RERE: variants seen among roughly 807,000 people sequenced by gnomAD.
RERE encodes arginine-glutamic acid dipeptide repeats, also known as arginine-glutamic acid dipeptide repeats protein.
In RERE, 40 loss-of-function variants were observed where a neutral mutation model predicts 146.1. That is an observed-to-expected ratio of 0.27 (90% confidence interval 0.21 to 0.36). The LOEUF (loss-of-function observed/expected upper bound fraction) is 0.36, where lower values mean the gene tolerates loss of function less well. Among genes scored for constraint, RERE ranks in the 10% least tolerant of loss-of-function variants. The pLI, the probability that RERE is intolerant of heterozygous loss-of-function variation, is 1.00. For missense variants in RERE, 1,933 were observed against 2,138.7 expected (o/e 0.90, Z 1.90); for synonymous variants, 1,003 against 866.0 (o/e 1.16, Z -2.78).
In RERE at chr1:8,575,562, T is replaced by TATA. The variant is rs1491346958; in HGVS notation, c.523-18040_523-18039insTAT. Among the ~76,000 whole-genome samples the TATA allele has an allele frequency of 3.3e-3, 118 of 35,384 alleles. No individual in the cohort carries two copies. The Middle Eastern group carries it at 0.037, about 11-fold the overall frequency. 23.2% of individuals were successfully genotyped at this position (35,384 alleles called of 152,430 possible). A position where few individuals can be genotyped will look rare whatever the true frequency, so the allele number is the denominator to read the frequency against. ...ATATATATATATATATATATATATA[T>TATA]TTTTTTTTTTTTTGGCAGAGACAGT... On this transcript the variant is annotated intron_variant, in intron 4 of 22. Coordinates refer to ENST00000400908, the MANE Select transcript of RERE (RefSeq NM_001042681.2).
In RERE at chr1:8,364,309, G is replaced by A; in HGVS notation, c.1541-54C>T. 5 of 1,533,012 alleles carry A rather than the reference G, an allele frequency of 3.3e-6. No individual in the cohort carries two copies. Among genetic ancestry groups the A allele is most frequent in the Admixed American group, 3.3e-5 (2 of 59,874 alleles). The allele number at this position is 1,533,012 out of a possible 1,614,324, so 95.0% of individuals were successfully genotyped here. A position where few individuals can be genotyped will look rare whatever the true frequency, so the allele number is the denominator to read the frequency against. ...CTTGGAAACCATCCCTCTCCCTGGGGATGTCTGGGCAGAGGGGCCCTTCTG... is the reference window on the plus strand; with the variant it reads ...CTTGGAAACCATCCCTCTCCCTGGGAATGTCTGGGCAGAGGGGCCCTTCTG... On this transcript the variant is annotated intron_variant, in intron 14 of 22. Coordinates refer to ENST00000400908, the MANE Select transcript of RERE (RefSeq NM_001042681.2). The surrounding 1 kb of genome is among the most constrained non-coding windows in gnomAD (Gnocchi z 5.1).
At chr1:8,407,414 T>C (rs1212978785) in intron 12 of RERE, among the ~76,000 whole-genome samples, 1 of 152,220 alleles carries the variant, frequency 6.6e-6, no homozygotes, top group African/African-American at 2.4e-5. Flanking sequence ...CATACATTTA[T>C]ACTTTATAAG....
chr1:8,583,970 T>C (rs1409247684), intron 4 of RERE, among the ~76,000 whole-genome samples: 1 of 151,798 alleles, frequency 6.6e-6, no homozygotes, highest in Non-Finnish European at 1.5e-5. Context: ...GTACAACAAC[T>C]GGGCTCATAA....
chr1:8,629,490 G>A (rs920705655), intron 2 of RERE, among the ~76,000 whole-genome samples: 1 of 152,174 alleles, frequency 6.6e-6, no homozygotes, highest in African/African-American at 2.4e-5. Flanking sequence ...AGATTCTCAA[G>A]GCAAAGAAGG....
intron 1 of RERE, among the ~76,000 whole-genome samples, chr1:8,678,523 G>A (rs1217912305): frequency 2.6e-5 from 4 of 151,332 alleles, no homozygotes; most frequent in African/African-American, 7.3e-5. Flanking sequence ...ATGGTGGCAC[G>A]CGCCTGTAGT....
chr1:8,637,757 A>G (rs1026728882), intron 2 of RERE, among the ~76,000 whole-genome samples: 3 of 152,202 alleles, frequency 2.0e-5, no homozygotes, highest in African/African-American at 7.2e-5. Context: ...TTTTGTTGAC[A>G]TTAAAGTTAC....
intron 7 of RERE, among the ~76,000 whole-genome samples, chr1:8,526,837 T>A (rs562776301): frequency 6.6e-6 from 1 of 152,272 alleles, no homozygotes; most frequent in East Asian, 1.9e-4. Context: ...CAGATCCATA[T>A]AAGAAATCCT....
chr1:8,808,130 A>G (rs182316634), intron 1 of RERE, among the ~76,000 whole-genome samples: 64 of 146,508 alleles, frequency 4.4e-4, no homozygotes, highest in Non-Finnish European at 7.2e-4. Context: ...CCTGGGCAAC[A>G]GAGCAAGACC....
At chr1:8,667,433 C>T (rs907578113) in intron 1 of RERE, among the ~76,000 whole-genome samples, 5 of 152,214 alleles carry the variant, frequency 3.3e-5, no homozygotes, top group South Asian at 2.1e-4. Flanking sequence ...CCAGCATGTT[C>T]GGGGGGCCGA....
At chr1:8,558,664 A>G (rs986252018) in intron 4 of RERE, among the ~76,000 whole-genome samples, 1 of 152,184 alleles carries the variant, frequency 6.6e-6, no homozygotes, top group Non-Finnish European at 1.5e-5. Context: ...CAACACTAAA[A>G]CACCAGGAAG....
chr1:8,416,598 A>G (rs200145740), intron 12 of RERE, among the ~76,000 whole-genome samples: 42 of 147,760 alleles, frequency 2.8e-4, no homozygotes, highest in East Asian at 9.8e-4. Context: ...AAAAAAAAAA[A>G]AAAAGAAAAG....
At chr1:8,753,431 C>G (rs1053764862) in intron 1 of RERE, 1 of 152,008 alleles carries the variant, frequency 6.6e-6, no homozygotes, top group Non-Finnish European at 1.5e-5. Flanking sequence ...AATCACTTAC[C>G]TATTTTGACA....
intron 6 of RERE, among the ~76,000 whole-genome samples, chr1:8,545,982 C>CT (rs3050828): frequency 0.23 from 16,049 of 68,992 alleles, 3,401 homozygotes; most frequent in East Asian, 0.7. Context: ...CATACCCAGT[C>CT]TTTTTTTTTT....
chr1:8,807,648 T>C (rs1641715956), intron 1 of RERE, among the ~76,000 whole-genome samples: 1 of 152,062 alleles, frequency 6.6e-6, no homozygotes, highest in East Asian at 1.9e-4. Flanking sequence ...ACTATGAAGA[T>C]CAATGAAGAT....
rs1051597410 is a variant in RERE at position 8,353,436 on chromosome 1, C to G, written c.*1651G>C. 1 of 152,242 alleles carries G rather than the reference C, an allele frequency of 6.6e-6. No homozygotes were observed. Among genetic ancestry groups the G allele is most frequent in the Non-Finnish European group, 1.5e-5 (1 of 68,062 alleles). The allele number at this position is 152,242 out of a possible 1,614,324, so 9.4% of individuals were successfully genotyped here. ...CCTGGATGGACTTTGTGTCCGCCGACCCAGTGTGGTCTCTGTCCTACAATT... is the reference window on the plus strand; with the variant it reads ...CCTGGATGGACTTTGTGTCCGCCGAGCCAGTGTGGTCTCTGTCCTACAATT... On this transcript the variant is annotated 3_prime_UTR_variant, in exon 23 of 23. Transcript: ENST00000400908.
At chr1:8,710,352 C>T (rs561905073) in intron 1 of RERE, among the ~76,000 whole-genome samples, 20 of 152,250 alleles carry the variant, frequency 1.3e-4, no homozygotes, top group African/African-American at 4.8e-4. Context: ...GAAATAACAT[C>T]AGATTATAAA....
intron 1 of RERE, among the ~76,000 whole-genome samples, chr1:8,733,921 G>A (rs1569665041): frequency 6.6e-6 from 1 of 152,166 alleles, no homozygotes; most frequent in Non-Finnish European, 1.5e-5. Flanking sequence ...GGCCAACAGG[G>A]TGAAACCCCA....
In RERE at chr1:8,545,982, C is replaced by CTTTTTTTTTTTTT. The variant is rs3050828; in HGVS notation, c.726-4677_726-4665dup. Among the ~76,000 whole-genome samples, 180 of 69,472 alleles carry CTTTTTTTTTTTTT rather than the reference C, an allele frequency of 2.6e-3. 21 individuals are homozygous for CTTTTTTTTTTTTT. The highest frequency in any genetic ancestry group is 0.013 in the Middle Eastern group (1 of 80). 45.6% of individuals were successfully genotyped at this position (69,472 alleles called of 152,430 possible). A position where few individuals can be genotyped will look rare whatever the true frequency, so the allele number is the denominator to read the frequency against. On this transcript the variant is annotated intron_variant, in intron 6 of 22. Coordinates refer to ENST00000400908, the MANE Select transcript of RERE (RefSeq NM_001042681.2). ...ACAGGTGCAAGCTACCATACCCAGT[C>CTTTTTTTTTTTTT]TTTTTTTTTTTTTTTTTTTTTTTTT...
At chr1:8,628,470 T>C (rs1646999891) in intron 2 of RERE, among the ~76,000 whole-genome samples, 1 of 152,190 alleles carries the variant, frequency 6.6e-6, no homozygotes, top group Non-Finnish European at 1.5e-5. Flanking sequence ...CGAACTATTG[T>C]ACAGTCAAAC....
Sources: gnomAD v4.1 joint callset for allele counts (sites outside exome capture counted in the v4.1 genomes callset) on GRCh38, gnomAD v4.1.1 for gene constraint, Gnocchi (gnomAD v3.1) non-coding constraint, MANE v1.5 for transcripts, NCBI Gene and HGNC (gene_info 2026-07-23, HGNC 2026-07-21) for gene names.